SORCS2: variants seen among roughly 807,000 people sequenced by gnomAD.
The protein encoded by SORCS2 is sortilin related VPS10 domain containing receptor 2.
In SORCS2, 100 loss-of-function variants were observed where a neutral mutation model predicts 141.6. The ratio of observed to expected loss-of-function variants is 0.71; its 90% CI spans 0.60 to 0.83. The LOEUF (loss-of-function observed/expected upper bound fraction) is 0.83, where lower values mean the gene tolerates loss of function less well. SORCS2 is among the 40% of genes least tolerant of loss of function. The pLI is 0.00. For synonymous variants in SORCS2, 789 were observed against 676.9 expected (o/e 1.17, Z -2.57); for missense variants, 1,646 against 1,560.2 (o/e 1.05, Z -0.93).
intron 3 of SORCS2, among the ~76,000 whole-genome samples, chr4:7,570,858 A>G (rs1431383489): frequency 6.6e-6 from 1 of 152,146 alleles, no homozygotes; most frequent in African/African-American, 2.4e-5. Flanking sequence ...ACAGCTATGA[A>G]TTTGAGAAAA....
intron 4 of SORCS2, among the ~76,000 whole-genome samples, chr4:7,652,574 G>T (rs1465328131): frequency 6.6e-6 from 1 of 152,082 alleles, no homozygotes; most frequent in Non-Finnish European, 1.5e-5. Flanking sequence ...CTCCTCCCAG[G>T]TTCCGGGGCA....
chr4:7,447,925 G>GC (rs1728102993), intron 2 of SORCS2, among the ~76,000 whole-genome samples: 1 of 151,626 alleles, frequency 6.6e-6, no homozygotes, highest in Non-Finnish European at 1.5e-5. Context: ...CCTAGATGTG[G>GC]CCTTCACACG....
intron 2 of SORCS2, among the ~76,000 whole-genome samples, chr4:7,511,677 G>T (rs1325406607): frequency 6.6e-6 from 1 of 152,162 alleles, no homozygotes; most frequent in Non-Finnish European, 1.5e-5. Flanking sequence ...CTGGGGACAG[G>T]TGGGGACAGG....
chr4:7,196,148 A>G (rs567385909), intron 1 of SORCS2, among the ~76,000 whole-genome samples: 1 of 152,288 alleles, frequency 6.6e-6, no homozygotes, highest in South Asian at 2.1e-4. Flanking sequence ...TGGAAGTTCA[A>G]ACACCGCCTC....
intron 1 of SORCS2, among the ~76,000 whole-genome samples, chr4:7,360,204 T>C (rs1721497495): frequency 1.3e-5 from 2 of 152,240 alleles, no homozygotes; most frequent in South Asian, 2.1e-4. Flanking sequence ...TCTTTCTGCA[T>C]TCACTTATAC....
intron 1 of SORCS2, among the ~76,000 whole-genome samples, chr4:7,252,724 G>A (rs1005127032): frequency 1.3e-5 from 2 of 152,146 alleles, no homozygotes; most frequent in East Asian, 1.9e-4. Context: ...TCTGACAGGC[G>A]TCAGCCAGGA....
chr4:7,265,942 C>T (rs955979891), intron 1 of SORCS2, among the ~76,000 whole-genome samples: 1 of 152,230 alleles, frequency 6.6e-6, no homozygotes, highest in South Asian at 2.1e-4. Context: ...AGTTGTTTGT[C>T]GAAAAACAGC....
intron 3 of SORCS2, among the ~76,000 whole-genome samples, chr4:7,613,395 T>G (rs1718550987): frequency 6.6e-6 from 1 of 152,208 alleles, no homozygotes; most frequent in East Asian, 1.9e-4. Flanking sequence ...CTGCCAGCAC[T>G]GCAGGGACCC....
chr4:7,559,187 C>T (rs1359128266), intron 3 of SORCS2, among the ~76,000 whole-genome samples: 1 of 152,218 alleles, frequency 6.6e-6, no homozygotes, highest in Non-Finnish European at 1.5e-5. Flanking sequence ...TGAGCAGCTA[C>T]GTGCCCCCCT....
chr4:7,273,469 G>C (rs1715273837), intron 1 of SORCS2, among the ~76,000 whole-genome samples: 1 of 152,194 alleles, frequency 6.6e-6, no homozygotes, highest in African/African-American at 2.4e-5. Flanking sequence ...GGCTGAGACT[G>C]TCTCCATGGC....
At chr4:7,427,313 G>A (rs914166512) in intron 2 of SORCS2, among the ~76,000 whole-genome samples, 4 of 152,154 alleles carry the variant, frequency 2.6e-5, no homozygotes, top group Non-Finnish European at 5.9e-5. Context: ...TTCGGAGCCA[G>A]ACTCTAAATG....
At chr4:7,267,736 C>A (rs1233069483) in intron 1 of SORCS2, among the ~76,000 whole-genome samples, 1 of 152,188 alleles carries the variant, frequency 6.6e-6, no homozygotes, top group Non-Finnish European at 1.5e-5. Flanking sequence ...GAGGCTGAAT[C>A]AGGGAGAATT....
chr4:7,394,073 A>G (rs1300214551), intron 1 of SORCS2, among the ~76,000 whole-genome samples: 1 of 150,550 alleles, frequency 6.6e-6, no homozygotes, highest in Non-Finnish European at 1.5e-5. Context: ...CGCCGCAGGA[A>G]CCCAAAGTCC....
At chr4:7,716,313 C>T (rs912793957) in intron 17 of SORCS2, among the ~76,000 whole-genome samples, 10 of 152,218 alleles carry the variant, frequency 6.6e-5, no homozygotes, top group African/African-American at 2.4e-4. Flanking sequence ...TGTCTCCTGC[C>T]ATCCACCCAC....
At chr4:7,230,539 T>C in intron 1 of SORCS2, among the ~76,000 whole-genome samples, 1 of 139,126 alleles carries the variant, frequency 7.2e-6, no homozygotes, top group Admixed American at 7.2e-5. Context: ...TCTTCCAGTG[T>C]CTGGGCAGGA....
At chr4:7,673,519 C>A (rs1577926568) in intron 8 of SORCS2, among the ~76,000 whole-genome samples, 1 of 152,050 alleles carries the variant, frequency 6.6e-6, no homozygotes, top group East Asian at 1.9e-4. Flanking sequence ...AAATGCTCTG[C>A]CTGTGATGTA....
intron 1 of SORCS2, among the ~76,000 whole-genome samples, chr4:7,367,510 C>G (rs1358530654): frequency 6.6e-6 from 1 of 152,200 alleles, no homozygotes. Context: ...TGACCTCAGT[C>G]AAGGCGGTTC....
At chr4:7,510,362 G>A (rs1010945014) in intron 2 of SORCS2, among the ~76,000 whole-genome samples, 2 of 152,218 alleles carry the variant, frequency 1.3e-5, no homozygotes, top group Non-Finnish European at 2.9e-5. Flanking sequence ...GGTGTCCTCC[G>A]AGCTGACTTA....
chr4:7,327,184 A>C (rs1485811110), intron 1 of SORCS2, among the ~76,000 whole-genome samples: 1 of 152,166 alleles, frequency 6.6e-6, no homozygotes, highest in Non-Finnish European at 1.5e-5. Flanking sequence ...ACAGAAATGC[A>C]TCCTCTTCCT....
Sources: allele counts gnomAD v4.1 joint callset (sites outside exome capture counted in the v4.1 genomes callset), GRCh38; gene constraint gnomAD v4.1.1; transcripts MANE v1.5; gene names NCBI Gene and HGNC (gene_info 2026-07-23, HGNC 2026-07-21).